Variants in MINDY4 observed in about 807,000 individuals in gnomAD.
The protein encoded by MINDY4 is MINDY lysine 48 deubiquitinase 4.
A neutral mutation model predicts 87.0 loss-of-function variants in MINDY4; 68 were observed. The observed-to-expected ratio is 0.78, with a 90% CI of 0.64 to 0.96. The LOEUF is 0.96. MINDY4 is among the 40% of genes least tolerant of loss of function. The probability of loss-of-function intolerance (pLI) is 0.00; values close to 1 mark genes in which losing one functional copy is unlikely to be tolerated. For missense variants in MINDY4, 919 were observed against 928.2 expected (o/e 0.99, Z 0.13); for synonymous variants, 379 against 363.2 (o/e 1.04, Z -0.50).
chr7:30,815,788 C>T (rs929999961), intron 5 of MINDY4, among the ~76,000 whole-genome samples: 1 of 152,256 alleles, frequency 6.6e-6, no homozygotes, highest in African/African-American at 2.4e-5. Context: ...TGACTTCAGC[C>T]GTGCCCAGGA....
At chr7:30,830,912 G>A (rs882533) in intron 6 of MINDY4, among the ~76,000 whole-genome samples, 18,237 of 152,196 alleles carry the variant, frequency 0.12, 1,371 homozygotes, top group African/African-American at 0.2. Context: ...GAGGATGTGG[G>A]GGTCAGTGTG....
At chr7:30,835,152 C>G (rs144232998) in intron 6 of MINDY4, among the ~76,000 whole-genome samples, 20 of 152,304 alleles carry the variant, frequency 1.3e-4, no homozygotes, top group Admixed American at 1.2e-3. Context: ...TAAAGATACT[C>G]CTGAGACTGG....
intron 1 of MINDY4, among the ~76,000 whole-genome samples, chr7:30,776,466 CCTCT>C (rs1417173381): frequency 6.6e-6 from 1 of 152,172 alleles, no homozygotes; most frequent in Non-Finnish European, 1.5e-5. Context: ...CCACCCTAGC[CCTCT>C]CTGTCTCCTT....
At chr7:30,837,299 C>T (rs1466587507) in intron 7 of MINDY4, among the ~76,000 whole-genome samples, 2 of 152,176 alleles carry the variant, frequency 1.3e-5, no homozygotes, top group Non-Finnish European at 2.9e-5. Context: ...CCATGCTCGG[C>T]TACCAGGGTG....
chr7:30,817,163 T>A (rs1175597116), intron 5 of MINDY4, among the ~76,000 whole-genome samples: 1 of 152,136 alleles, frequency 6.6e-6, no homozygotes, highest in African/African-American at 2.4e-5. Flanking sequence ...ACTCCCATCC[T>A]CTCCCTGGAG....
At chr7:30,807,992 A>G (rs1787864260) in intron 5 of MINDY4, among the ~76,000 whole-genome samples, 1 of 152,294 alleles carries the variant, frequency 6.6e-6, no homozygotes, top group East Asian at 1.9e-4. Context: ...TTGTCCTGCT[A>G]CATTTCTTGG....
intron 5 of MINDY4, among the ~76,000 whole-genome samples, chr7:30,793,896 C>G (rs909778235): frequency 2.0e-5 from 3 of 152,220 alleles, no homozygotes; most frequent in Non-Finnish European, 4.4e-5. Flanking sequence ...CTTCAAACTT[C>G]TAGAAAACAC....
chr7:30,852,265 G>A lies in MINDY4; in HGVS notation c.1597G>A (p.Gly533Arg), dbSNP rs2128571419. The A allele has an allele frequency of 6.2e-7, 1 of 1,614,132 alleles. No individual in the cohort carries two copies. The highest frequency in any genetic ancestry group is 2.2e-5 in the East Asian group (1 of 44,880). Residue 533 changes from glycine (G) to arginine (R), a missense_variant, in exon 11 of 18, where the codon GGA becomes AGA. Physicochemically the swap from Gly to Arg is moderately radical, Grantham distance 125. Transcript: ENST00000265299. ...FSPTGKYKAD[G>R]VLETLTLHSL... is the part of the protein sequence containing the mutation. ...TCCAACAGGGAAATACAAAGCAGAT[G>A]GAGTCTTAGAAACAGTACGACTTTC...
chr7:30,877,655 C>T lies in MINDY4; in HGVS notation c.1971+1999C>T, dbSNP rs935699139. The stretch of plus-strand genomic sequence containing the variant: ...AGGGCCCAGCAGCTCAGACAAAGCC[C>T]TTCCCTCTTCTTCTTCTTCTTCTTC... On this transcript the variant is annotated intron_variant, in intron 15 of 17. Coordinates refer to ENST00000265299, the MANE Select transcript of MINDY4 (RefSeq NM_032222.3). Among the ~76,000 whole-genome samples the T allele has an allele frequency of 3.4e-5, 5 of 148,716 alleles. No homozygotes were observed. The East Asian group carries it at 1.0e-3, about 30-fold the overall frequency.
intron 16 of MINDY4, among the ~76,000 whole-genome samples, chr7:30,882,643 TC>T (rs1790504212): frequency 6.6e-6 from 1 of 152,174 alleles, no homozygotes; most frequent in Non-Finnish European, 1.5e-5. Flanking sequence ...TTGGATGTAT[TC>T]TTCAGGCAGT....
chr7:30,853,327 A>G, intron 11 of MINDY4, 67 bp from the exon 12 acceptor site: 1 of 1,337,744 alleles, frequency 7.5e-7, no homozygotes, highest in Non-Finnish European at 1.1e-6. Context: ...AGGGAGCAGA[A>G]GCTAATTCAG....
intron 6 of MINDY4, among the ~76,000 whole-genome samples, chr7:30,836,193 ATT>A (rs1160002992): frequency 3.3e-5 from 5 of 152,226 alleles, no homozygotes; most frequent in Non-Finnish European, 7.3e-5. Flanking sequence ...TGCAATAATT[ATT>A]TTATCAGCAA....
chr7:30,875,610 G>C lies in MINDY4; in HGVS notation c.1925G>C (p.Ser642Thr). ...CTTCTCAGAGGCATTGCTGCACGCA[G>C]TGATATTGGCTTCTTATCTCTCTTT... is the stretch of plus-strand genomic sequence containing the variant. Reference protein sequence around the residue: ...ITLLRGIAARSDIGFLSLFEH... With the variant: ...ITLLRGIAARTDIGFLSLFEH... The change falls in exon 15 of 18, where the codon AGT becomes ACT. Residue 642 changes from serine to threonine, a missense_variant. Transcript: ENST00000265299. 6.2e-7 allele frequency: 1 copy of C among 1,614,106 alleles called. No individual in the cohort carries two copies. The highest frequency in any genetic ancestry group is 8.5e-7 in the Non-Finnish European group (1 of 1,179,984).
intron 13 of MINDY4, among the ~76,000 whole-genome samples, chr7:30,864,386 T>C (rs1789864456): frequency 6.6e-6 from 1 of 152,208 alleles, no homozygotes. Flanking sequence ...TGACAGAAGC[T>C]CAATTCCCAG....
At chr7:30,835,212 G>T (rs118167873) in intron 6 of MINDY4, among the ~76,000 whole-genome samples, 13,772 of 152,268 alleles carry the variant, frequency 0.09, 775 homozygotes, top group African/African-American at 0.14. Context: ...CATGGCTGGG[G>T]AGGCCTCACA....
intron 5 of MINDY4, among the ~76,000 whole-genome samples, chr7:30,805,711 G>A (rs1025417296): frequency 2.0e-5 from 3 of 152,168 alleles, no homozygotes; most frequent in Non-Finnish European, 4.4e-5. Context: ...GGGGCAGAAA[G>A]TCAACTGTCG....
chr7:30,777,380 G>T (rs1786856824), intron 1 of MINDY4, among the ~76,000 whole-genome samples: 1 of 152,120 alleles, frequency 6.6e-6, no homozygotes, highest in Non-Finnish European at 1.5e-5. Flanking sequence ...CGGGTGGTTG[G>T]TTTTGAACCC....
intron 9 of MINDY4, 46 bp downstream of exon 9, chr7:30,840,894 C>A (rs1228609837): frequency 1.3e-6 from 2 of 1,535,902 alleles, no homozygotes; most frequent in African/African-American, 1.4e-5. Flanking sequence ...CCCAAGTCTT[C>A]CCCAGAGTGT....
chr7:30,872,732 C>T (rs971622006), intron 14 of MINDY4, among the ~76,000 whole-genome samples: 4 of 152,226 alleles, frequency 2.6e-5, no homozygotes, highest in Non-Finnish European at 4.4e-5. Context: ...CCACCCTTCC[C>T]TTTGCATCTT....
Sources: allele counts gnomAD v4.1 joint callset (sites outside exome capture counted in the v4.1 genomes callset), GRCh38; gene constraint gnomAD v4.1.1; transcripts MANE v1.5; gene names NCBI Gene and HGNC (gene_info 2026-07-23, HGNC 2026-07-21).